The following GNB5 variants were observed in gnomAD, a reference collection of about 807,000 sequenced individuals.
GNB5 encodes the protein G protein subunit beta 5.
Under a neutral mutation model 55.3 loss-of-function variants are expected in GNB5, and 37 were observed. That is an observed-to-expected ratio of 0.67 (90% CI 0.51 to 0.88). The LOEUF (loss-of-function observed/expected upper bound fraction) is 0.88, where lower values mean the gene tolerates loss of function less well. Ranked by LOEUF, GNB5 falls within the 40% of genes least tolerant of loss-of-function variation. The probability of loss-of-function intolerance (pLI) is 0.00; values close to 1 mark genes in which losing one functional copy is unlikely to be tolerated. For missense variants in GNB5, 476 were observed against 515.3 expected, an observed-to-expected ratio of 0.92 and a Z score of 0.74; for synonymous variants, 219 against 198.5, an observed-to-expected ratio of 1.10 and a Z score of -0.87.
At chr15:52,157,427 A>G (rs1185023830) in intron 3 of GNB5, among the ~76,000 whole-genome samples, 1 of 150,176 alleles carries the variant, frequency 6.7e-6, no homozygotes, top group Non-Finnish European at 1.5e-5. Flanking sequence ...TTGTATTTTT[A>G]GTAAAGACAG....
chr15:52,150,414 C>A (rs960918945), intron 4 of GNB5, among the ~76,000 whole-genome samples: 2 of 152,156 alleles, frequency 1.3e-5, no homozygotes, highest in African/African-American at 2.4e-5. Flanking sequence ...CATCCAGGAA[C>A]CCCCCTCCCC....
rs1240064318 is a variant in GNB5 at position 52,122,138 on chromosome 15, C to G, written c.*619G>C. On this transcript the variant is annotated 3_prime_UTR_variant, in exon 13 of 13. Transcript: ENST00000261837. The stretch of plus-strand genomic sequence containing the variant: ...CCACCTGTCCTTTTTAGGCATTTCT[C>G]TGCGTCATTTACAGCAGTTCACCAT... The G allele has an allele frequency of 6.6e-6, 1 of 152,170 alleles. No individual in the cohort carries two copies. Among genetic ancestry groups the G allele is most frequent in the Admixed American group, 6.5e-5 (1 of 15,268 alleles). The allele number at this position is 152,170 out of a possible 1,614,324, so 9.4% of individuals were successfully genotyped here. A position where few individuals can be genotyped will look rare whatever the true frequency, so the allele number is the denominator to read the frequency against.
intron 2 of GNB5, 34 bp downstream of exon 2, chr15:52,184,517 A>G (rs1049033224): frequency 1.1e-5 from 17 of 1,597,936 alleles, no homozygotes; most frequent in African/African-American, 1.3e-5. Context: ...CTGTTTTAAG[A>G]CAGATAACTG....
intron 7 of GNB5, chr15:52,139,171 G>A (rs1174549376): frequency 6.6e-6 from 1 of 152,278 alleles, no homozygotes; most frequent in Non-Finnish European, 1.5e-5. Context: ...GCTGGGTGCA[G>A]TGGCTCACGC....
chr15:52,179,500 T>C (rs985047780), intron 3 of GNB5, among the ~76,000 whole-genome samples: 1 of 144,952 alleles, frequency 6.9e-6, no homozygotes, highest in East Asian at 2.0e-4. Flanking sequence ...GTGATGAGGA[T>C]AGCTAGTCCC....
intron 3 of GNB5, among the ~76,000 whole-genome samples, chr15:52,174,320 A>G (rs1318261775): frequency 1.3e-5 from 2 of 152,242 alleles, no homozygotes; most frequent in Non-Finnish European, 2.9e-5. Context: ...TACAGTAGCA[A>G]TCAGAAATGA....
chr15:52,143,385 T>C (rs1051842297), intron 6 of GNB5, among the ~76,000 whole-genome samples: 1 of 152,262 alleles, frequency 6.6e-6, no homozygotes, highest in Non-Finnish European at 1.5e-5. Context: ...GTCGAATCTC[T>C]GCTTTAGTAC....
chr15:52,135,962 T>G (rs188267483), intron 7 of GNB5: 23 of 525,144 alleles, frequency 4.4e-5, no homozygotes, highest in African/African-American at 3.7e-4. Context: ...AGAGTGCATT[T>G]CCTACACCCT....
At position 52,147,418 on chromosome 15, in the gene GNB5, G is replaced by A. The variant is rs2033999620; in HGVS notation, c.494+41C>T. ...TTTGCCAAGAGAACAGTATTCTATG[G>A]TTAACACAAATTCTGAAAAGCTGCT... On this transcript the variant is annotated intron_variant, in intron 6 of 12. Coordinates refer to ENST00000261837, the MANE Select transcript of GNB5 (RefSeq NM_016194.4). The A allele has an allele frequency of 1.5e-5, 17 of 1,114,358 alleles. No homozygotes were observed. In the East Asian group the frequency reaches 4.0e-4, roughly 26 times the overall value. The allele number at this position is 1,114,358 out of a possible 1,614,324, so 69.0% of individuals were successfully genotyped here.
rs763493534 is a variant in GNB5, at chr15:52,149,802, G to C, written c.417+82C>G. 6.0e-5 allele frequency: 60 copies of C among 1,002,832 alleles called. No individual in the cohort carries two copies. Among genetic ancestry groups the C allele is most frequent in the Admixed American group, 1.1e-4 (6 of 55,766 alleles). 62.1% of individuals were successfully genotyped at this position (1,002,832 alleles called of 1,614,324 possible). ...GGATACATGGAGAGAAATCAGGACA[G>C]GGCCGGGCAGCTGGACCAGAGCACC... On this transcript the variant is annotated intron_variant, in intron 5 of 12. Transcript: ENST00000261837.
intron 2 of GNB5, chr15:52,181,128 C>G (rs2034761786): frequency 6.6e-6 from 1 of 152,314 alleles, no homozygotes; most frequent in Non-Finnish European, 1.5e-5. Context: ...CCCCACCTCT[C>G]TGTACCTGCT....
chr15:52,135,852 A>AACACGAAC, intron 7 of GNB5, 96 bp from the exon 8 acceptor site: 1 of 551,022 alleles, frequency 1.8e-6, no homozygotes, highest in Non-Finnish European at 3.0e-6. Context: ...GGAAAAGCAG[A>AACACGAAC]ACACACACAC....
intron 1 of GNB5, among the ~76,000 whole-genome samples, chr15:52,189,175 T>A (rs1323448897): frequency 6.6e-6 from 1 of 152,156 alleles, no homozygotes; most frequent in Non-Finnish European, 1.5e-5. Flanking sequence ...GAAGGTAAAG[T>A]GGGGTAGCCG....
rs1490734145 is a variant in GNB5 at position 52,137,570 on chromosome 15, C to G, written c.628-1814G>C. 7.6e-6 allele frequency: 8 copies of G among 1,046,430 alleles called. No homozygotes were observed. In the East Asian group the frequency reaches 3.5e-4, roughly 46 times the overall value. 64.8% of individuals were successfully genotyped at this position (1,046,430 alleles called of 1,614,324 possible). ...GCCCAAAGAGCCTCTGGATAGCTTA[C>G]AAGTACAAAGGTCAGCCATAGAGTA... On this transcript the variant is annotated intron_variant, in intron 7 of 12. Coordinates refer to ENST00000261837, the MANE Select transcript of GNB5 (RefSeq NM_016194.4).
chr15:52,124,914 G>T (rs2033381543), intron 11 of GNB5: 1 of 276,606 alleles, frequency 3.6e-6, no homozygotes, highest in African/African-American at 2.2e-5. Flanking sequence ...CAGAGAGGAA[G>T]GGGGATTAAG....
At chr15:52,146,526 T>C (rs568961974) in intron 6 of GNB5, among the ~76,000 whole-genome samples, 1 of 152,254 alleles carries the variant, frequency 6.6e-6, no homozygotes, top group South Asian at 2.1e-4. Context: ...TCACTTAAGT[T>C]TTCTTGGATG....
At chr15:52,139,990 T>C in intron 7 of GNB5, 1 of 1,252,060 alleles carries the variant, frequency 8.0e-7, no homozygotes, top group African/African-American at 1.5e-5. Flanking sequence ...GACATCTCAT[T>C]TTGGCCACTG....
intron 1 of GNB5, among the ~76,000 whole-genome samples, chr15:52,187,065 G>A (rs2034856186): frequency 6.6e-6 from 1 of 152,202 alleles, no homozygotes; most frequent in South Asian, 2.1e-4. Flanking sequence ...AGCTGAGTCT[G>A]TAAGTAGCAT....
At chr15:52,183,798 T>G (rs1369635935) in intron 2 of GNB5, among the ~76,000 whole-genome samples, 1 of 152,218 alleles carries the variant, frequency 6.6e-6, no homozygotes, top group Non-Finnish European at 1.5e-5. Context: ...TTGCAAATTC[T>G]CAGAGATAGG....
Sources: gnomAD v4.1 joint callset for allele counts (sites outside exome capture counted in the v4.1 genomes callset) on GRCh38, gnomAD v4.1.1 for gene constraint, MANE v1.5 for transcripts, NCBI Gene and HGNC (gene_info 2026-07-23, HGNC 2026-07-21) for gene names.